The following RASA2 variants were observed in gnomAD, a reference collection of about 807,000 sequenced individuals.
RASA2 encodes RAS p21 protein activator 2, also known as ras GTPase-activating protein 2.
In RASA2, 155 loss-of-function variants were observed where a neutral mutation model predicts 118.2. That is an observed-to-expected ratio of 1.31 (90% CI 1.15 to 1.50). RASA2 has a LOEUF of 1.50. Among genes scored for constraint, RASA2 ranks in the 40% most tolerant of loss-of-function variants. RASA2 has a pLI of 0.00. For synonymous variants in RASA2, 353 were observed against 349.1 expected (o/e 1.01, Z -0.12); for missense variants, 1,016 against 1,009.6 (o/e 1.01, Z -0.09).
At chr3:141,567,415 A>AAATAAT (rs536869045) in intron 9 of RASA2, among the ~76,000 whole-genome samples, 1 of 151,812 alleles carries the variant, frequency 6.6e-6, no homozygotes, top group African/African-American at 2.4e-5. Flanking sequence ...ACTCTGTCTC[A>AAATAAT]AATAATAATA....
intron 4 of RASA2, among the ~76,000 whole-genome samples, chr3:141,540,250 G>A (rs183271079): frequency 1.3e-5 from 2 of 152,066 alleles, no homozygotes; most frequent in African/African-American, 4.8e-5. Flanking sequence ...TTTAGGTATT[G>A]TCTTTCCTTT....
intron 5 of RASA2, among the ~76,000 whole-genome samples, chr3:141,543,288 T>G (rs556064308): frequency 6.6e-6 from 1 of 152,292 alleles, no homozygotes; most frequent in East Asian, 1.9e-4. Flanking sequence ...ATTTTACCAA[T>G]TAGAATAAAA....
At chr3:141,526,405 C>T (rs747574200) in intron 3 of RASA2, among the ~76,000 whole-genome samples, 3 of 151,826 alleles carry the variant, frequency 2.0e-5, no homozygotes, top group Non-Finnish European at 4.4e-5. Flanking sequence ...CTCCCTCTCC[C>T]GTACTTCCTT....
chr3:141,580,392 A>C lies in RASA2; in HGVS notation c.1615A>C (p.Thr539Pro). The C allele has an allele frequency of 1.2e-6, 2 of 1,608,704 alleles. No homozygotes were observed. The highest frequency in any genetic ancestry group is 1.7e-6 in the Non-Finnish European group (2 of 1,176,354). The change falls in exon 16 of 24, where the codon ACT becomes CCT. Residue 539 changes from threonine to proline, a missense_variant. Around this residue, in one of 2 missense-constraint regions of RASA2, gnomAD observed 896 missense variants for 836.4 expected, o/e 1.07. Coordinates refer to ENST00000286364, the MANE Select transcript of RASA2 (RefSeq NM_006506.5). ...GGATGCACAGACAATTAGAACATTA[A>C]CTCTCATCTCAAAAACTATACAAAC... ...HPDAQTIRTLTLISKTIQTLG... is the reference protein window; with the variant it reads ...HPDAQTIRTLPLISKTIQTLG...
Position 141,555,915 on chromosome 3 carries a change from A to T in RASA2, c.684+3A>T. On this transcript the variant is annotated splice_donor_region_variant and intron_variant, in intron 7 of 23. Coordinates refer to ENST00000286364, the MANE Select transcript of RASA2 (RefSeq NM_006506.5). ...TTAATGAAATCTTTTATTTTGAGGTAATTTTTTGTTTTACGTAAATGTTAA... is the reference window on the plus strand; with the variant it reads ...TTAATGAAATCTTTTATTTTGAGGTTATTTTTTGTTTTACGTAAATGTTAA... 1 of 1,599,766 alleles carries T rather than the reference A, an allele frequency of 6.3e-7. No homozygotes were observed. Among genetic ancestry groups the T allele is most frequent in the Non-Finnish European group, 8.5e-7 (1 of 1,171,242 alleles).
chr3:141,554,699 A>C (rs996309751), intron 6 of RASA2, among the ~76,000 whole-genome samples: 10 of 152,220 alleles, frequency 6.6e-5, no homozygotes, highest in African/African-American at 2.4e-4. Context: ...TACTTTGTAG[A>C]AAATCACTAC....
chr3:141,531,003 T>C (rs939694846), intron 4 of RASA2, among the ~76,000 whole-genome samples: 1 of 152,130 alleles, frequency 6.6e-6, no homozygotes, highest in African/African-American at 2.4e-5. Flanking sequence ...CTGTGTTCGA[T>C]TCATATGGTT....
chr3:141,556,507 C>T (rs1478090205), intron 7 of RASA2, among the ~76,000 whole-genome samples: 1 of 152,004 alleles, frequency 6.6e-6, no homozygotes, highest in Non-Finnish European at 1.5e-5. Context: ...TCTGTGGACG[C>T]CTGCTTATCT....
chr3:141,531,882 A>G (rs922072199), intron 4 of RASA2, among the ~76,000 whole-genome samples: 1 of 152,040 alleles, frequency 6.6e-6, no homozygotes, highest in Non-Finnish European at 1.5e-5. Context: ...TCTAGAAAAG[A>G]TAGAAAATCA....
chr3:141,574,068 G>T lies in RASA2; in HGVS notation c.1483+1G>T. ...CAGATGGCTACTCAGAGATTTCCTA[G>T]TAAGTGCCTTGTTTTACTAAAACAT... On this transcript the variant is annotated splice_donor_variant, in intron 14 of 23. Coordinates refer to ENST00000286364, the MANE Select transcript of RASA2 (RefSeq NM_006506.5). LOFTEE classifies it high-confidence loss of function. 2 of 1,464,468 alleles carry T rather than the reference G, an allele frequency of 1.4e-6. No individual in the cohort carries two copies. Among genetic ancestry groups the T allele is most frequent in the Non-Finnish European group, 1.8e-6 (2 of 1,098,804 alleles). The allele number at this position is 1,464,468 out of a possible 1,614,324, so 90.7% of individuals were successfully genotyped here.
At chr3:141,537,174 CT>C (rs977624578) in intron 4 of RASA2, among the ~76,000 whole-genome samples, 3 of 151,324 alleles carry the variant, frequency 2.0e-5, no homozygotes, top group East Asian at 1.9e-4. Context: ...ATCTTATCTC[CT>C]TTTTTTTTCT....
chr3:141,494,704 T>A (rs1157557692), intron 1 of RASA2, among the ~76,000 whole-genome samples: 2 of 152,186 alleles, frequency 1.3e-5, no homozygotes, highest in African/African-American at 4.8e-5. Flanking sequence ...AGGCTTGAAA[T>A]TAAGTTATAG....
chr3:141,552,590 G>A (rs764626220), intron 5 of RASA2, among the ~76,000 whole-genome samples: 8 of 152,162 alleles, frequency 5.3e-5, no homozygotes, highest in Non-Finnish European at 1.2e-4. Flanking sequence ...AGCCTGAGAA[G>A]GGTAAGTTTT....
chr3:141,559,940 G>C lies in RASA2; in HGVS notation c.808G>C (p.Gly270Arg). 1 of 1,613,280 alleles carries C rather than the reference G, an allele frequency of 6.2e-7. No individual in the cohort carries two copies. The highest frequency in any genetic ancestry group is 8.5e-7 in the Non-Finnish European group (1 of 1,179,464). ...AAACCTAGTCCAAGATGTTTTCCTA[G>C]GTGAGATTAAGGTTCCTGTGAACGT... Reference protein sequence around the residue: ...NGNLVQDVFLGEIKVPVNVLR... With the variant: ...NGNLVQDVFLREIKVPVNVLR... The change falls in exon 9 of 24, where the codon GGT becomes CGT. Residue 270 changes from glycine (G) to arginine (R), a missense_variant. Gly to Arg is a moderately radical substitution (Grantham distance 125). This residue lies in a region of RASA2 where 896 missense variants were observed against 836.4 expected (regional missense o/e 1.07). Transcript: ENST00000286364.
rs189735052 is a variant in RASA2 at position 141,513,988 on chromosome 3, C to T, written c.251+1708C>T. Among the ~76,000 whole-genome samples, 24 of 152,202 alleles carry T rather than the reference C, an allele frequency of 1.6e-4. No individual in the cohort carries two copies. The East Asian group carries it at 4.4e-3, about 28-fold the overall frequency. On this transcript the variant is annotated intron_variant, in intron 2 of 23. Coordinates refer to ENST00000286364, the MANE Select transcript of RASA2 (RefSeq NM_006506.5). Reference sequence around the variant, plus strand: ...CTTAAAATGAACTTATAAAAATAAGCTTTGCAACATGAGGATGGGCAAAGA... The same window carrying T: ...CTTAAAATGAACTTATAAAAATAAGTTTTGCAACATGAGGATGGGCAAAGA...
intron 4 of RASA2, 44 bp downstream of exon 4, chr3:141,529,846 A>G: frequency 7.0e-7 from 1 of 1,434,788 alleles, no homozygotes. Context: ...GTCACAGGAA[A>G]TGAGTAAAAA....
rs192867161 is a variant in RASA2 at position 141,584,061 on chromosome 3, G to A, written c.1753-1964G>A. Among the ~76,000 whole-genome samples, 373 of 152,000 alleles carry A rather than the reference G, an allele frequency of 2.5e-3. 1 individual carries two copies. Among genetic ancestry groups the A allele is most frequent in the African/African-American group, 6.1e-3 (253 of 41,470 alleles). On this transcript the variant is annotated intron_variant, in intron 17 of 23. Transcript: ENST00000286364. ...GAAAAGAATTGTTCCAGCCAGGCAC[G>A]GTGGCTTACGCCTGTAATCCCAGCA...
At chr3:141,589,700 G>GCC (rs1338914079) in intron 19 of RASA2, among the ~76,000 whole-genome samples, 1 of 152,080 alleles carries the variant, frequency 6.6e-6, no homozygotes, top group Non-Finnish European at 1.5e-5. Context: ...AATTAGCCAG[G>GCC]CGTGGTGGTG....
At chr3:141,548,158 A>G (rs145363294) in intron 5 of RASA2, among the ~76,000 whole-genome samples, 14 of 152,066 alleles carry the variant, frequency 9.2e-5, no homozygotes, top group Admixed American at 2.6e-4. Context: ...TTTTTGATGT[A>G]TCTCTCTCTG....
Sources: allele counts gnomAD v4.1 joint callset (sites outside exome capture counted in the v4.1 genomes callset), GRCh38; gene constraint gnomAD v4.1.1; regional missense constraint gnomAD v4.1.1; transcripts MANE v1.5; gene names NCBI Gene and HGNC (gene_info 2026-07-23, HGNC 2026-07-21).